Variants in NRG3 observed in about 807,000 individuals in gnomAD.
NRG3 encodes pro-neuregulin-3, membrane-bound isoform.
A neutral mutation model predicts 66.9 loss-of-function variants in NRG3; 31 were observed. The observed-to-expected ratio is 0.46, with a 90% CI of 0.35 to 0.63. The LOEUF (loss-of-function observed/expected upper bound fraction) is 0.63. Among genes scored for constraint, NRG3 ranks in the 20% least tolerant of loss-of-function variants. The pLI is 0.00. For synonymous variants in NRG3, 393 were observed against 359.4 expected (o/e 1.09, Z -1.06); for missense variants, 910 against 878.9 (o/e 1.04, Z -0.45).
chr10:82,495,020 A>C (rs1843488610), intron 2 of NRG3, among the ~76,000 whole-genome samples: 1 of 150,082 alleles, frequency 6.7e-6, no homozygotes, highest in Non-Finnish European at 1.5e-5. Context: ...CACTCACTGC[A>C]ACCTCCACCT....
chr10:81,944,931 C>T (rs12250286), intron 1 of NRG3, among the ~76,000 whole-genome samples: 3,680 of 152,108 alleles, frequency 0.024, 156 homozygotes, highest in African/African-American at 0.085. Context: ...TGCATTTTAA[C>T]CCTCAACCAC....
intron 4 of NRG3, among the ~76,000 whole-genome samples, chr10:82,893,461 G>A (rs1221596988): frequency 6.6e-6 from 1 of 152,126 alleles, no homozygotes; most frequent in South Asian, 2.1e-4. Flanking sequence ...AAGCTAAGGC[G>A]GGCAGATCAC....
rs2085049229 is a variant in NRG3 at position 82,373,905 on chromosome 10, A to G, written c.953+15037A>G. On this transcript the variant is annotated intron_variant, in intron 2 of 8. Transcript: ENST00000372141. ...ATAGTAGCTTTGATCTCTTCCCCCT[A>G]CAAGCTAACCAAAACATTATCTGGA... Among the ~76,000 whole-genome samples, 4 of 152,256 alleles carry G rather than the reference A, an allele frequency of 2.6e-5. No homozygotes were observed. The South Asian group carries it at 6.2e-4, about 24-fold the overall frequency.
At chr10:82,364,387 T>C (rs184816911) in intron 2 of NRG3, among the ~76,000 whole-genome samples, 35 of 152,248 alleles carry the variant, frequency 2.3e-4, no homozygotes, top group African/African-American at 8.4e-4. Context: ...ATACACCCCA[T>C]AGAAATGAAG....
intron 2 of NRG3, among the ~76,000 whole-genome samples, chr10:82,375,468 C>T (rs1228169329): frequency 2.0e-5 from 3 of 150,040 alleles, no homozygotes; most frequent in Non-Finnish European, 4.4e-5. Context: ...ACCTGGGAGG[C>T]GGAGCTTGCA....
chr10:82,327,380 G>C (rs993310552), intron 1 of NRG3, among the ~76,000 whole-genome samples: 1 of 152,188 alleles, frequency 6.6e-6, no homozygotes, highest in African/African-American at 2.4e-5. Flanking sequence ...AGCTTTCAGT[G>C]TGGAGATAAC....
At chr10:82,745,168 T>C (rs533554853) in intron 3 of NRG3, among the ~76,000 whole-genome samples, 1 of 152,238 alleles carries the variant, frequency 6.6e-6, no homozygotes, top group African/African-American at 2.4e-5. Context: ...AGGATTTCTC[T>C]AGGAGAGAAG....
At chr10:82,171,023 T>A (rs2072561302) in intron 1 of NRG3, among the ~76,000 whole-genome samples, 1 of 151,936 alleles carries the variant, frequency 6.6e-6, no homozygotes, top group Non-Finnish European at 1.5e-5. Flanking sequence ...ACATTAATAT[T>A]GATTATGATA....
chr10:82,487,061 GTATAA>G (rs1482768664), intron 2 of NRG3, among the ~76,000 whole-genome samples: 1 of 148,072 alleles, frequency 6.8e-6, no homozygotes, highest in Non-Finnish European at 1.5e-5. Flanking sequence ...TATTATATAT[GTATAA>G]TATATGTATA....
chr10:82,646,195 A>G (rs1215928356), intron 2 of NRG3, among the ~76,000 whole-genome samples: 1 of 152,158 alleles, frequency 6.6e-6, no homozygotes, highest in African/African-American at 2.4e-5. Context: ...TTTGAGAAAC[A>G]TCGTAAACAA....
At chr10:82,020,324 G>C (rs1009796710) in intron 1 of NRG3, among the ~76,000 whole-genome samples, 2 of 151,926 alleles carry the variant, frequency 1.3e-5, no homozygotes, top group Non-Finnish European at 2.9e-5. Flanking sequence ...TTAATTCCTT[G>C]AAGAGTCTCA....
intron 2 of NRG3, among the ~76,000 whole-genome samples, chr10:82,730,088 CTTT>C (rs531254299): frequency 3.8e-5 from 5 of 132,798 alleles, no homozygotes; most frequent in Admixed American, 1.6e-4. Flanking sequence ...TTTTTTTTTC[CTTT>C]TTTTTTTTTT....
At chr10:82,075,825 A>G (rs1413439309) in intron 1 of NRG3, among the ~76,000 whole-genome samples, 1 of 152,100 alleles carries the variant, frequency 6.6e-6, no homozygotes, top group African/African-American at 2.4e-5. Flanking sequence ...CAGATAAGGA[A>G]ATCTGAAATG....
At chr10:82,032,521 T>C (rs1398487848) in intron 1 of NRG3, among the ~76,000 whole-genome samples, 1 of 152,004 alleles carries the variant, frequency 6.6e-6, no homozygotes, top group Non-Finnish European at 1.5e-5. Flanking sequence ...AAAATTCTCA[T>C]TATGGAGACT....
At chr10:82,263,084 C>T (rs566214212) in intron 1 of NRG3, among the ~76,000 whole-genome samples, 6 of 152,106 alleles carry the variant, frequency 3.9e-5, no homozygotes, top group African/African-American at 9.7e-5. Context: ...ACTAGAACAA[C>T]GTTTGTCTTG....
intron 2 of NRG3, among the ~76,000 whole-genome samples, chr10:82,644,122 A>G (rs2050775721): frequency 6.6e-6 from 1 of 152,096 alleles, no homozygotes; most frequent in Non-Finnish European, 1.5e-5. Context: ...AAGTTAACAG[A>G]AGAGCTTTTC....
At chr10:82,573,239 G>A (rs1478897022) in intron 2 of NRG3, among the ~76,000 whole-genome samples, 1 of 151,792 alleles carries the variant, frequency 6.6e-6, no homozygotes, top group Non-Finnish European at 1.5e-5. Flanking sequence ...AAGATGACAA[G>A]TTGCTCTTTA....
intron 4 of NRG3, among the ~76,000 whole-genome samples, chr10:82,939,962 G>A (rs1923577): frequency 0.5 from 75,876 of 151,070 alleles, 19,305 homozygotes; most frequent in Middle Eastern, 0.59. Flanking sequence ...GAGTTCACCA[G>A]AGGCTTTTGT....
chr10:82,167,995 G>GA (rs903155922), intron 1 of NRG3, among the ~76,000 whole-genome samples: 23 of 149,432 alleles, frequency 1.5e-4, no homozygotes, highest in East Asian at 1.2e-3. Flanking sequence ...TTTTTTAAAG[G>GA]AAAAAAAAAC....
Sources: gnomAD v4.1 joint callset for allele counts (sites outside exome capture counted in the v4.1 genomes callset) on GRCh38, gnomAD v4.1.1 for gene constraint, MANE v1.5 for transcripts, NCBI Gene and HGNC (gene_info 2026-07-23, HGNC 2026-07-21) for gene names.